The following FAM83G variants were observed in gnomAD, a reference collection of about 807,000 sequenced individuals.
The protein encoded by FAM83G is protein FAM83G.
A neutral mutation model predicts 61.5 loss-of-function variants in FAM83G; 38 were observed. The observed-to-expected ratio is 0.62, with a 90% CI of 0.48 to 0.81. The LOEUF (loss-of-function observed/expected upper bound fraction) is 0.81. Among genes scored for constraint, FAM83G ranks in the 30% least tolerant of loss-of-function variants. The pLI is 0.00. For synonymous variants in FAM83G, 470 were observed against 476.1 expected (o/e 0.99, Z 0.17); for missense variants, 989 against 1,133.6 (o/e 0.87, Z 1.83).
chr17:18,978,217 G>T lies in FAM83G; in HGVS notation c.1449C>A (p.Pro483=). 2 of 1,577,442 alleles carry T rather than the reference G, an allele frequency of 1.3e-6. No homozygotes were observed. Among genetic ancestry groups the T allele is most frequent in the Non-Finnish European group, 1.7e-6 (2 of 1,161,908 alleles). ...CGTTCTCAGCTGGGACACCGTCCTG[G>T]GGGGCACTGGGCTCTGGGGGAGGGC... is the stretch of plus-strand genomic sequence containing the variant. ...EPCPPPEPSA[P]QDGVPAENGL... The change falls in exon 5 of 6, where the codon CCC becomes CCA. Residue 483 remains proline, a synonymous_variant. Transcript: ENST00000388995.
At chr17:19,005,887 G>A (rs2043873663), upstream of FAM83G, among the ~76,000 whole-genome samples, 1 of 152,228 alleles carries the variant, frequency 6.6e-6, no homozygotes, top group South Asian at 2.1e-4. Flanking sequence ...CTGCCCCAGG[G>A]CCAGAGAGGG....
rs1254917323 is a variant in FAM83G at position 18,969,557 on chromosome 17, A to T, written c.*1802T>A. 1.3e-6 allele frequency: 1 copy of T among 775,950 alleles called. No individual in the cohort carries two copies. The highest frequency in any genetic ancestry group is 2.0e-6 in the Non-Finnish European group (1 of 492,586). The allele number at this position is 775,950 out of a possible 1,614,324, so 48.1% of individuals were successfully genotyped here. A position where few individuals can be genotyped will look rare whatever the true frequency, so the allele number is the denominator to read the frequency against. ...ATCGCTGGGAGTGGGTGGGTTCAGG[A>T]GGTTGAGCCACTAGGCAGTCAGCCC... On this transcript the variant is annotated 3_prime_UTR_variant, in exon 6 of 6. Coordinates refer to ENST00000388995, the MANE Select transcript of FAM83G (RefSeq NM_001039999.3).
At chr17:18,974,753 C>T (rs892304667) in intron 5 of FAM83G, among the ~76,000 whole-genome samples, 3 of 152,224 alleles carry the variant, frequency 2.0e-5, no homozygotes, top group Non-Finnish European at 4.4e-5. Flanking sequence ...TCACTTAAGT[C>T]GTTGCAACAA....
chr17:18,984,456 C>T (rs149685597), intron 3 of FAM83G, among the ~76,000 whole-genome samples: 7 of 152,252 alleles, frequency 4.6e-5, no homozygotes, highest in Non-Finnish European at 7.4e-5. Flanking sequence ...ACCTGGGCAG[C>T]GGAAGGGCTG....
At chr17:18,987,208 C>T (rs2043292285) in intron 3 of FAM83G, among the ~76,000 whole-genome samples, 1 of 152,234 alleles carries the variant, frequency 6.6e-6, no homozygotes, top group Non-Finnish European at 1.5e-5. Flanking sequence ...CTGTCAGACA[C>T]TGGTGCTGAG....
chr17:18,992,688 C>T (rs1157528413), intron 2 of FAM83G, among the ~76,000 whole-genome samples: 2 of 152,328 alleles, frequency 1.3e-5, no homozygotes, highest in South Asian at 2.1e-4. Context: ...GCCACACCTG[C>T]GTTCCAGGTC....
intron 3 of FAM83G, among the ~76,000 whole-genome samples, chr17:18,985,153 G>A (rs1348770476): frequency 6.6e-6 from 1 of 152,236 alleles, no homozygotes; most frequent in East Asian, 1.9e-4. Flanking sequence ...TCTCATGGCG[G>A]GGCTGTGCCT....
chr17:18,975,716 A>C (rs1298105635), intron 5 of FAM83G: 1 of 152,006 alleles, frequency 6.6e-6, no homozygotes, highest in South Asian at 2.1e-4. Context: ...AAAATCATAG[A>C]GGCTTCCTGC....
At chr17:18,995,670 G>T (rs1444931703) in intron 2 of FAM83G, among the ~76,000 whole-genome samples, 1 of 152,234 alleles carries the variant, frequency 6.6e-6, no homozygotes, top group African/African-American at 2.4e-5. Context: ...CACTTTGGGA[G>T]GCAGAGGCGG....
At chr17:18,979,014 T>C (rs1227531742) in intron 4 of FAM83G, 164 bp from the exon 5 acceptor site, 1 of 762,690 alleles carries the variant, frequency 1.3e-6, no homozygotes, top group Non-Finnish European at 2.1e-6. Context: ...TCAGACTGAG[T>C]CGGATGTCAA....
chr17:18,969,012 TGG>T lies in FAM83G; in HGVS notation c.*2345_*2346del. 1 of 1,577,224 alleles carries T rather than the reference TGG, an allele frequency of 6.3e-7. No homozygotes were observed. The highest frequency in any genetic ancestry group is 8.6e-7 in the Non-Finnish European group (1 of 1,161,934). ...CCCAGGGAGTGGCTTGCTGGAGCCC[TGG>T]GAATAACAGTCCCACACAAGGCTCT... On this transcript the variant is annotated 3_prime_UTR_variant, in exon 6 of 6. Coordinates refer to ENST00000388995, the MANE Select transcript of FAM83G (RefSeq NM_001039999.3).
chr17:18,982,082 G>T (rs1290897391), intron 3 of FAM83G, among the ~76,000 whole-genome samples: 1 of 152,224 alleles, frequency 6.6e-6, no homozygotes, highest in Non-Finnish European at 1.5e-5. Flanking sequence ...CCTGATGAGG[G>T]CTCGGAAAGT....
intron 4 of FAM83G, 90 bp downstream of exon 4, chr17:18,979,459 C>T (rs985532695): frequency 2.7e-6 from 4 of 1,496,524 alleles, no homozygotes; most frequent in Admixed American, 2.0e-5. Flanking sequence ...GACCAATGAA[C>T]CGGAATAACC....
Position 19,004,202 on chromosome 17 carries a change from G to C in FAM83G, c.-128-33C>G. ...AAAGACCTGATGAGCCCGGCTCGGC[G>C]GGGAGGGCGGGCCGCGCGGGGAGGG... On this transcript the variant is annotated intron_variant, in intron 1 of 5. Transcript: ENST00000388995. The surrounding 1 kb of genome is among the most constrained non-coding windows in gnomAD (Gnocchi z 5.4). 1.5e-6 allele frequency: 1 copy of C among 649,770 alleles called. No individual in the cohort carries two copies. The highest frequency in any genetic ancestry group is 2.5e-6 in the Non-Finnish European group (1 of 407,912). The allele number at this position is 649,770 out of a possible 1,614,324, so 40.3% of individuals were successfully genotyped here. A position where few individuals can be genotyped will look rare whatever the true frequency, so the allele number is the denominator to read the frequency against.
chr17:18,992,104 C>T lies in FAM83G; in HGVS notation c.523-3690G>A, dbSNP rs79232034. 5.1e-3 allele frequency among the ~76,000 whole-genome samples: 772 copies of T among 152,290 alleles called. 8 individuals are homozygous for T. The highest frequency in any genetic ancestry group is 0.018 in the African/African-American group (737 of 41,566). ...GGGGCTCCTGGTGCCCAAACACCTC[C>T]GGCATGTCTGTCCAGGGGTGTCCAT... On this transcript the variant is annotated intron_variant, in intron 2 of 5. Coordinates refer to ENST00000388995, the MANE Select transcript of FAM83G (RefSeq NM_001039999.3).
intron 3 of FAM83G, among the ~76,000 whole-genome samples, chr17:18,985,493 C>A (rs2043247060): frequency 6.6e-6 from 1 of 152,156 alleles, no homozygotes; most frequent in Non-Finnish European, 1.5e-5. Flanking sequence ...GCAGGGGTGG[C>A]AGTGGCTGAG....
intron 2 of FAM83G, among the ~76,000 whole-genome samples, chr17:18,991,241 G>A (rs1244862138): frequency 6.6e-6 from 1 of 152,154 alleles, no homozygotes; most frequent in Non-Finnish European, 1.5e-5. Context: ...GGAAGGTCCT[G>A]GGGAGCTTTT....
In FAM83G at chr17:18,970,696, C is replaced by A. The variant is rs116025238; in HGVS notation, c.*663G>T. The stretch of plus-strand genomic sequence containing the variant: ...GACAATCGGAAACCTGGCTGAGAAC[C>A]ACTTGCCCAAGGCCGATGAGTGTCC... On this transcript the variant is annotated 3_prime_UTR_variant, in exon 6 of 6. Coordinates refer to ENST00000388995, the MANE Select transcript of FAM83G (RefSeq NM_001039999.3). The A allele has an allele frequency of 3.3e-3, 1,252 of 373,822 alleles. 12 individuals are homozygous for A. The highest frequency in any genetic ancestry group is 0.023 in the African/African-American group (1,149 of 49,368). 23.2% of individuals were successfully genotyped at this position (373,822 alleles called of 1,614,324 possible). A position where few individuals can be genotyped will look rare whatever the true frequency, so the allele number is the denominator to read the frequency against.
intron 2 of FAM83G, among the ~76,000 whole-genome samples, chr17:18,989,571 T>C (rs1479850474): frequency 6.6e-6 from 1 of 152,218 alleles, no homozygotes; most frequent in Admixed American, 6.5e-5. Context: ...GACCCAGTTT[T>C]CTCATCAGTA....
Sources: allele counts gnomAD v4.1 joint callset (sites outside exome capture counted in the v4.1 genomes callset), GRCh38; gene constraint gnomAD v4.1.1; non-coding constraint Gnocchi (gnomAD v3.1); transcripts MANE v1.5; gene names NCBI Gene and HGNC (gene_info 2026-07-23, HGNC 2026-07-21).